THADA: variants seen among roughly 807,000 people sequenced by gnomAD.
The protein encoded by THADA is tRNA (32-2'-O)-methyltransferase regulator THADA.
Under a neutral mutation model 219.8 loss-of-function variants are expected in THADA, and 213 were observed. That is an observed-to-expected ratio of 0.97 (90% CI 0.87 to 1.09). The LOEUF is 1.09. Among genes scored for constraint, THADA ranks in the 50% least tolerant of loss-of-function variants. THADA has a pLI of 0.00. For missense variants in THADA, 2,956 were observed against 2,311.3 expected (o/e 1.28, Z -5.72); for synonymous variants, 1,018 against 828.9 (o/e 1.23, Z -3.92).
Position 43,285,465 on chromosome 2 carries a change from T to C in THADA, c.5164+1443A>G, listed in dbSNP as rs543717197. On this transcript the variant is annotated intron_variant, in intron 35 of 37. Transcript: ENST00000405975. ...GCTTCCCCTTTACCTTCTGCCATAA[T>C]TGTTAAGTTTCCTGAGGCCTCCCAG... 4.6e-5 allele frequency among the ~76,000 whole-genome samples: 7 copies of C among 152,330 alleles called. No homozygotes were observed. In the East Asian group the frequency reaches 9.6e-4, roughly 21 times the overall value.
intron 28 of THADA, among the ~76,000 whole-genome samples, chr2:43,414,465 C>A (rs1201746822): frequency 3.3e-5 from 5 of 152,170 alleles, no homozygotes. Context: ...ATCCAACATA[C>A]TATGGTTTGT....
At chr2:43,443,642 G>C (rs750830831) in intron 26 of THADA, among the ~76,000 whole-genome samples, 6 of 152,122 alleles carry the variant, frequency 3.9e-5, no homozygotes, top group Non-Finnish European at 8.8e-5. Context: ...CTCCTAGGAA[G>C]AAAAAAGGAG....
At chr2:43,428,354 T>A (rs1463510776) in intron 27 of THADA, 123 bp from the exon 28 acceptor site, 1 of 942,728 alleles carries the variant, frequency 1.1e-6, no homozygotes, top group Non-Finnish European at 1.5e-6. Flanking sequence ...ATGCCTGTAA[T>A]CCCAGCACTT....
At chr2:43,275,724 T>A (rs1672657689) in intron 36 of THADA, among the ~76,000 whole-genome samples, 1 of 152,232 alleles carries the variant, frequency 6.6e-6, no homozygotes, top group Non-Finnish European at 1.5e-5. Context: ...AATCACTGGA[T>A]TCTTTCTAAC....
At chr2:43,377,462 A>G (rs937424828) in intron 29 of THADA, among the ~76,000 whole-genome samples, 2 of 152,164 alleles carry the variant, frequency 1.3e-5, no homozygotes, top group East Asian at 3.9e-4. Context: ...AATGCCAGAT[A>G]TAAAGAAGGA....
chr2:43,526,968 G>C (rs886182593), intron 22 of THADA, among the ~76,000 whole-genome samples: 10 of 152,066 alleles, frequency 6.6e-5, no homozygotes, highest in Admixed American at 2.6e-4. Flanking sequence ...AAGTTGAAAA[G>C]ATAAAATATT....
chr2:43,584,503 G>A (rs1410057646), intron 7 of THADA, among the ~76,000 whole-genome samples: 2 of 152,182 alleles, frequency 1.3e-5, no homozygotes, highest in Admixed American at 1.3e-4. Flanking sequence ...GTGGAAAAAG[G>A]CTACCCTGAG....
At chr2:43,561,575 T>C (rs938931996) in intron 15 of THADA, among the ~76,000 whole-genome samples, 5 of 152,194 alleles carry the variant, frequency 3.3e-5, no homozygotes, top group African/African-American at 7.2e-5. Flanking sequence ...TTATGCTTAG[T>C]TAATTTGAGG....
chr2:43,537,259 A>G (rs11896747), intron 21 of THADA, among the ~76,000 whole-genome samples: 96,430 of 152,124 alleles, frequency 0.63, 32,306 homozygotes, highest in African/African-American at 0.84. Context: ...CATGGGCAAT[A>G]TTAACTGTTG....
chr2:43,527,864 G>C lies in THADA; in HGVS notation c.3374+15C>G. ...TAGTCTTTTTAAAACGTACACAAAA[G>C]GATATTTGTTTTACCTGTTTAGTAC... On this transcript the variant is annotated intron_variant, in intron 22 of 37. Coordinates refer to ENST00000405975, the MANE Select transcript of THADA (RefSeq NM_022065.5). 2 of 1,538,244 alleles carry C rather than the reference G, an allele frequency of 1.3e-6. No individual in the cohort carries two copies. Among genetic ancestry groups the C allele is most frequent in the Non-Finnish European group, 1.8e-6 (2 of 1,115,404 alleles).
chr2:43,365,275 G>C (rs959461460), intron 29 of THADA, among the ~76,000 whole-genome samples: 15 of 151,950 alleles, frequency 9.9e-5, no homozygotes, highest in African/African-American at 3.1e-4. Flanking sequence ...ACAGATTAAA[G>C]GGCGCAAGAA....
At chr2:43,234,763 C>A (rs1220363614) in intron 36 of THADA, among the ~76,000 whole-genome samples, 1 of 152,084 alleles carries the variant, frequency 6.6e-6, no homozygotes, top group Non-Finnish European at 1.5e-5. Context: ...AAGCAATTCT[C>A]CTGCCTTAGC....
chr2:43,505,567 A>G, intron 24 of THADA, 55 bp downstream of exon 24: 44 of 1,348,450 alleles, frequency 3.3e-5, no homozygotes, highest in Non-Finnish European at 4.2e-5. Flanking sequence ...AAAAAAGTGA[A>G]AAACAAAACA....
chr2:43,307,802 T>C (rs1223076772), intron 31 of THADA, among the ~76,000 whole-genome samples: 1 of 152,032 alleles, frequency 6.6e-6, no homozygotes, highest in East Asian at 1.9e-4. Flanking sequence ...TAATAAAAAA[T>C]TATAAGCACG....
intron 28 of THADA, among the ~76,000 whole-genome samples, chr2:43,420,319 CG>C (rs1677540514): frequency 6.6e-6 from 1 of 152,190 alleles, no homozygotes; most frequent in African/African-American, 2.4e-5. Context: ...ATTAGCTAGA[CG>C]GTAAGTTCTT....
chr2:43,401,950 T>TTA (rs71410173), intron 28 of THADA, among the ~76,000 whole-genome samples: 20 of 150,662 alleles, frequency 1.3e-4, no homozygotes, highest in South Asian at 2.1e-4. Flanking sequence ...TTTTTTTTTT[T>TTA]AAAAAAAATT....
rs114425051 is a variant in THADA, at chr2:43,440,110, T to C, written c.3837-9808A>G. Among the ~76,000 whole-genome samples, 1,089 of 152,316 alleles carry C rather than the reference T, an allele frequency of 7.1e-3. 12 individuals carry two copies. The highest frequency in any genetic ancestry group is 0.024 in the African/African-American group (1,013 of 41,582). On this transcript the variant is annotated intron_variant, in intron 26 of 37. Coordinates refer to ENST00000405975, the MANE Select transcript of THADA (RefSeq NM_022065.5). ...CCTTTCCTCATATAGAACTGTGTAATAGCATTTCAGCTTTCCTATTTTAAA... is the reference window on the plus strand; with the variant it reads ...CCTTTCCTCATATAGAACTGTGTAACAGCATTTCAGCTTTCCTATTTTAAA...
chr2:43,515,321 TATATAATATATA>T (rs1691531759), intron 22 of THADA, among the ~76,000 whole-genome samples: 1 of 24,384 alleles, frequency 4.1e-5, no homozygotes. Context: ...TAATATTTTA[TATATAATATATA>T]ATATAATATA....
chr2:43,314,085 T>C (rs557920020), intron 31 of THADA, among the ~76,000 whole-genome samples: 2 of 152,184 alleles, frequency 1.3e-5, no homozygotes, highest in Admixed American at 6.5e-5. Context: ...GAGGATGAGA[T>C]TGAAAACAAT....
Sources: gnomAD v4.1 joint callset for allele counts (sites outside exome capture counted in the v4.1 genomes callset) on GRCh38, gnomAD v4.1.1 for gene constraint, MANE v1.5 for transcripts, NCBI Gene and HGNC (gene_info 2026-07-23, HGNC 2026-07-21) for gene names.